The following GULP1 variants were observed in gnomAD, a reference collection of about 807,000 sequenced individuals.
The protein encoded by GULP1 is PTB domain-containing engulfment adapter protein 1.
Under a neutral mutation model 40.9 loss-of-function variants are expected in GULP1, and 19 were observed. That is an observed-to-expected ratio of 0.46 (90% CI 0.32 to 0.68). The LOEUF (loss-of-function observed/expected upper bound fraction) is 0.68, where lower values mean the gene tolerates loss of function less well. GULP1 is among the 30% of genes least tolerant of loss of function. The pLI, the probability that GULP1 is intolerant of heterozygous loss-of-function variation, is 0.03. For synonymous variants in GULP1, 119 were observed against 117.6 expected (o/e 1.01, Z -0.08); for missense variants, 312 against 362.2 (o/e 0.86, Z 1.12).
intron 1 of GULP1, among the ~76,000 whole-genome samples, chr2:188,325,421 A>G (rs527926251): frequency 6.6e-6 from 1 of 152,248 alleles, no homozygotes; most frequent in South Asian, 2.1e-4. Context: ...AGTCTAGCCA[A>G]CTAGAATTAC....
intron 7 of GULP1, among the ~76,000 whole-genome samples, chr2:188,545,075 A>G (rs1201906463): frequency 6.6e-6 from 1 of 152,068 alleles, no homozygotes; most frequent in African/African-American, 2.4e-5. Context: ...AGGAAGTTGC[A>G]TAATACTTTT....
In GULP1 at chr2:188,467,071, A is replaced by G. The variant is rs191601791; in HGVS notation, c.-44-10588A>G. 2.4e-3 allele frequency among the ~76,000 whole-genome samples: 363 copies of G among 152,286 alleles called. 9 individuals are homozygous for G. The Middle Eastern group carries it at 0.027, about 11-fold the overall frequency. On this transcript the variant is annotated intron_variant, in intron 2 of 11. Coordinates refer to ENST00000409830, the MANE Select transcript of GULP1 (RefSeq NM_016315.4). The stretch of plus-strand genomic sequence containing the variant: ...TGGTCAGGTTTCCCTTAGAAGTATG[A>G]ATCAAGCAAGACTGACAAGGGTCTG...
intron 11 of GULP1, chr2:188,590,798 A>G (rs1703399998): frequency 6.6e-6 from 1 of 152,184 alleles, no homozygotes; most frequent in Non-Finnish European, 1.5e-5. Flanking sequence ...AAAAACAAGC[A>G]TGGCAAGTTC....
intron 2 of GULP1, among the ~76,000 whole-genome samples, chr2:188,427,071 C>T (rs911185938): frequency 1.3e-5 from 2 of 152,152 alleles, no homozygotes; most frequent in Admixed American, 1.3e-4. Flanking sequence ...AACTGTGGAA[C>T]TTTGAACTTA....
At chr2:188,458,524 A>ATTTTAT (rs1200514209) in intron 2 of GULP1, among the ~76,000 whole-genome samples, 1 of 151,968 alleles carries the variant, frequency 6.6e-6, no homozygotes, top group African/African-American at 2.4e-5. Context: ...CAGTCAGGCT[A>ATTTTAT]TTTTATTTTT....
chr2:188,432,374 TTTAAAG>T (rs1300291399), intron 2 of GULP1, among the ~76,000 whole-genome samples: 17 of 151,882 alleles, frequency 1.1e-4, no homozygotes, highest in Admixed American at 6.6e-5. Context: ...CTAGAAATTA[TTTAAAG>T]TTATTTTTCT....
chr2:188,591,469 C>T (rs535681358), intron 11 of GULP1: 34 of 151,710 alleles, frequency 2.2e-4, no homozygotes, highest in African/African-American at 8.0e-4. Context: ...TCAATCTCTG[C>T]GAATAAAAAT....
chr2:188,447,561 A>G (rs1299630420), intron 2 of GULP1, among the ~76,000 whole-genome samples: 2 of 152,328 alleles, frequency 1.3e-5, no homozygotes, highest in Admixed American at 6.5e-5. Flanking sequence ...ACCAGCTTAC[A>G]GTAACATTCT....
intron 2 of GULP1, among the ~76,000 whole-genome samples, chr2:188,434,357 A>G (rs2057204809): frequency 6.6e-6 from 1 of 151,240 alleles, no homozygotes; most frequent in Admixed American, 6.6e-5. Flanking sequence ...ATTTTGCTAG[A>G]ATTTGAGTAG....
At chr2:188,461,535 C>T (rs1256549719) in intron 2 of GULP1, among the ~76,000 whole-genome samples, 2 of 151,872 alleles carry the variant, frequency 1.3e-5, no homozygotes, top group African/African-American at 2.4e-5. Context: ...AAACTCCCGA[C>T]CTCAGGTGAT....
chr2:188,293,138 G>T (rs1423960610), intron 1 of GULP1: 3 of 152,414 alleles, frequency 2.0e-5, no homozygotes, highest in Non-Finnish European at 4.4e-5. Flanking sequence ...CTTAGCTGGT[G>T]TTGGGCTTGG....
In GULP1 at chr2:188,380,516, T is replaced by C. The variant is rs558414300; in HGVS notation, c.-171-3247T>C. The stretch of plus-strand genomic sequence containing the variant: ...TTCAGGTGTGAGCAATCAGTGGGGA[T>C]TGAACGTTTACTTACTTAAAGTCAC... On this transcript the variant is annotated intron_variant, in intron 1 of 11. Coordinates refer to ENST00000409830, the MANE Select transcript of GULP1 (RefSeq NM_016315.4). 8.5e-5 allele frequency among the ~76,000 whole-genome samples: 13 copies of C among 152,094 alleles called. No individual in the cohort carries two copies. In the South Asian group the frequency reaches 1.7e-3, roughly 19 times the overall value.
chr2:188,543,304 A>G (rs569563176), intron 7 of GULP1, among the ~76,000 whole-genome samples: 3 of 152,260 alleles, frequency 2.0e-5, no homozygotes, highest in South Asian at 4.1e-4. Flanking sequence ...GCTATTATCA[A>G]TTGGGGCTGG....
At chr2:188,470,103 T>C (rs2060465333) in intron 2 of GULP1, among the ~76,000 whole-genome samples, 1 of 152,172 alleles carries the variant, frequency 6.6e-6, no homozygotes, top group African/African-American at 2.4e-5. Context: ...TCTCTCCTCC[T>C]CTATTTTTTG....
intron 1 of GULP1, among the ~76,000 whole-genome samples, chr2:188,323,677 TGTG>T (rs2040347579): frequency 2.7e-5 from 3 of 109,460 alleles, no homozygotes; most frequent in Non-Finnish European, 6.2e-5. Context: ...TGTGTGTGTG[TGTG>T]TGTGTGTGTA....
At chr2:188,472,273 T>C (rs1045921672) in intron 2 of GULP1, among the ~76,000 whole-genome samples, 1 of 152,164 alleles carries the variant, frequency 6.6e-6, no homozygotes, top group Non-Finnish European at 1.5e-5. Context: ...TAAATCTGCT[T>C]GGTGTTGTAT....
chr2:188,440,406 G>A (rs1454624811), intron 2 of GULP1, among the ~76,000 whole-genome samples: 1 of 152,060 alleles, frequency 6.6e-6, no homozygotes, highest in Non-Finnish European at 1.5e-5. Flanking sequence ...AGGTTACACG[G>A]GGCATTAATT....
In GULP1 at chr2:188,541,328, C is replaced by T. The variant is rs1312541673; in HGVS notation, c.399+10C>T. On this transcript the variant is annotated intron_variant, in intron 7 of 11. Coordinates refer to ENST00000409830, the MANE Select transcript of GULP1 (RefSeq NM_016315.4). ...TGACAGCGAAAAGTGTGTAAGTATC[C>T]CAGATGTTGTAGGGTGGTTTGTTCT... 6.2e-7 allele frequency: 1 copy of T among 1,611,082 alleles called. No individual in the cohort carries two copies. The highest frequency in any genetic ancestry group is 8.5e-7 in the Non-Finnish European group (1 of 1,177,518).
At chr2:188,547,708 T>A (rs953238673) in intron 7 of GULP1, among the ~76,000 whole-genome samples, 2 of 152,082 alleles carry the variant, frequency 1.3e-5, no homozygotes, top group Non-Finnish European at 2.9e-5. Flanking sequence ...ACACACAGGA[T>A]CAATACTTTG....
Sources: gnomAD v4.1 joint callset for allele counts (sites outside exome capture counted in the v4.1 genomes callset) on GRCh38, gnomAD v4.1.1 for gene constraint, MANE v1.5 for transcripts, NCBI Gene and HGNC (gene_info 2026-07-23, HGNC 2026-07-21) for gene names.